The following IGF1R variants were observed in gnomAD, a reference collection of about 807,000 sequenced individuals.
IGF1R encodes the protein insulin-like growth factor 1 receptor.
In IGF1R, 44 loss-of-function variants were observed where a neutral mutation model predicts 144.6. The observed-to-expected ratio is 0.30, with a 90% CI of 0.24 to 0.39. The LOEUF (loss-of-function observed/expected upper bound fraction) is 0.39. Ranked by LOEUF, IGF1R falls within the 10% of genes least tolerant of loss-of-function variation. The probability of loss-of-function intolerance (pLI) is 1.00; values close to 1 mark genes in which losing one functional copy is unlikely to be tolerated. For synonymous variants in IGF1R, 795 were observed against 722.8 expected (o/e 1.10, Z -1.60); for missense variants, 1,355 against 1,833.7 (o/e 0.74, Z 4.77).
chr15:98,686,820 G>A (rs567647531), intron 1 of IGF1R, among the ~76,000 whole-genome samples: 3 of 152,114 alleles, frequency 2.0e-5, no homozygotes, highest in South Asian at 2.1e-4. Flanking sequence ...ATGTTCCTGC[G>A]CCATCACTCC....
intron 5 of IGF1R, chr15:98,900,824 T>C (rs74509919): frequency 6.6e-6 from 1 of 152,180 alleles, no homozygotes; most frequent in Non-Finnish European, 1.5e-5. Flanking sequence ...TTTTTTTTTT[T>C]CTAAGTAGGT....
At chr15:98,742,919 C>T (rs1439889341) in intron 2 of IGF1R, among the ~76,000 whole-genome samples, 2 of 152,048 alleles carry the variant, frequency 1.3e-5, no homozygotes, top group Admixed American at 6.6e-5. Context: ...TGCCTGTAAT[C>T]CCAGCTTCTC....
intron 1 of IGF1R, among the ~76,000 whole-genome samples, chr15:98,678,952 C>A (rs2053119341): frequency 7.1e-6 from 1 of 140,370 alleles, no homozygotes; most frequent in Non-Finnish European, 1.5e-5. Flanking sequence ...GAAACAGGAT[C>A]TCGCTCTTGT....
At chr15:98,854,948 C>CG (rs987259648) in intron 2 of IGF1R, among the ~76,000 whole-genome samples, 1 of 152,092 alleles carries the variant, frequency 6.6e-6, no homozygotes, top group Non-Finnish European at 1.5e-5. Context: ...CCTGCCCCCC[C>CG]CAACACATGT....
intron 2 of IGF1R, among the ~76,000 whole-genome samples, chr15:98,823,131 T>C (rs552118480): frequency 2.0e-5 from 3 of 152,276 alleles, no homozygotes; most frequent in African/African-American, 7.2e-5. Context: ...TTTCTCCAGG[T>C]CTCCTCTCAT....
At chr15:98,843,008 A>G (rs930738185) in intron 2 of IGF1R, among the ~76,000 whole-genome samples, 2 of 152,346 alleles carry the variant, frequency 1.3e-5, no homozygotes, top group Non-Finnish European at 1.5e-5. Flanking sequence ...AGCTGTCTTT[A>G]TATTACCACG....
At chr15:98,861,037 CTCCCTCCA>C (rs1189112945) in intron 2 of IGF1R, among the ~76,000 whole-genome samples, 1 of 151,858 alleles carries the variant, frequency 6.6e-6, no homozygotes, top group African/African-American at 2.4e-5. Context: ...CCCTCCCTCC[CTCCCTCCA>C]TCTATGTCTC....
intron 3 of IGF1R, among the ~76,000 whole-genome samples, chr15:98,895,022 A>C (rs2014112298): frequency 6.8e-6 from 1 of 147,564 alleles, no homozygotes; most frequent in Admixed American, 6.7e-5. Flanking sequence ...CCCTGTCTCA[A>C]AAAAAAAAAA....
chr15:98,797,357 T>C (rs1204344004), intron 2 of IGF1R, among the ~76,000 whole-genome samples: 1 of 152,236 alleles, frequency 6.6e-6, no homozygotes, highest in Non-Finnish European at 1.5e-5. Context: ...AAGGTAAACC[T>C]GATGCCCGGG....
At position 98,651,108 on chromosome 15, in the gene IGF1R, A is replaced by G. The variant is rs186028489; in HGVS notation, c.94+1433A>G. The G allele has an allele frequency of 3.1e-6, 3 of 972,904 alleles. No individual in the cohort carries two copies. In the Admixed American group the frequency reaches 1.8e-4, roughly 60 times the overall value. 60.3% of individuals were successfully genotyped at this position (972,904 alleles called of 1,614,324 possible). On this transcript the variant is annotated intron_variant, in intron 1 of 20. Transcript: ENST00000650285. ...TGAGTAATGGTTGCCGAGGGTATGCAGGTGGTGCCGATTAACTTTGAAAAA... is the reference window on the plus strand; with the variant it reads ...TGAGTAATGGTTGCCGAGGGTATGCGGGTGGTGCCGATTAACTTTGAAAAA...
At chr15:98,892,030 A>G (rs1401790019) in intron 3 of IGF1R, among the ~76,000 whole-genome samples, 2 of 152,080 alleles carry the variant, frequency 1.3e-5, no homozygotes, top group Non-Finnish European at 2.9e-5. Context: ...GGAAGTGCAA[A>G]AGAAAAGACA....
chr15:98,901,320 C>G (rs1596415481), intron 5 of IGF1R, among the ~76,000 whole-genome samples: 5 of 152,184 alleles, frequency 3.3e-5, no homozygotes, highest in South Asian at 2.1e-4. Flanking sequence ...TGGCTCCAGC[C>G]TTTCATTCCT....
chr15:98,783,357 C>G (rs993341072), intron 2 of IGF1R, among the ~76,000 whole-genome samples: 1 of 152,176 alleles, frequency 6.6e-6, no homozygotes, highest in Non-Finnish European at 1.5e-5. Context: ...CCTGTTCTCT[C>G]TATATAAAAT....
intron 20 of IGF1R, among the ~76,000 whole-genome samples, chr15:98,952,369 C>T (rs1392908865): frequency 6.6e-6 from 1 of 151,674 alleles, no homozygotes; most frequent in African/African-American, 2.4e-5. Context: ...ACACTTTGAG[C>T]AGCGCAGCCA....
intron 13 of IGF1R, among the ~76,000 whole-genome samples, 164 bp from the exon 14 acceptor site, chr15:98,929,394 G>A (rs143015300): frequency 1.0e-3 from 158 of 152,180 alleles, no homozygotes; most frequent in South Asian, 4.6e-3. Flanking sequence ...TTTGTTTGCC[G>A]TGTTCTATTT....
At chr15:98,883,640 T>C (rs182880927) in intron 2 of IGF1R, among the ~76,000 whole-genome samples, 1 of 152,284 alleles carries the variant, frequency 6.6e-6, no homozygotes. Context: ...GGCGAGAGCA[T>C]GGTGGCACAC....
Position 98,679,949 on chromosome 15 carries a change from T to TA in IGF1R, c.95-27603dup, listed in dbSNP as rs200754035. The stretch of plus-strand genomic sequence containing the variant: ...CTTTTAACAAAAAAGTTTAAAAAGT[T>TA]AAAAAAAAAAGTTAAAAATAGAAAA... On this transcript the variant is annotated intron_variant, in intron 1 of 20. Transcript: ENST00000650285. Among the ~76,000 whole-genome samples, 158 of 143,828 alleles carry TA rather than the reference T, an allele frequency of 1.1e-3. No homozygotes were observed. The Middle Eastern group carries it at 0.017, about 16-fold the overall frequency. 94.4% of individuals were successfully genotyped at this position (143,828 alleles called of 152,430 possible). A position where few individuals can be genotyped will look rare whatever the true frequency, so the allele number is the denominator to read the frequency against.
chr15:98,784,989 A>G (rs995875898), intron 2 of IGF1R, among the ~76,000 whole-genome samples: 2 of 152,328 alleles, frequency 1.3e-5, no homozygotes, highest in Admixed American at 1.3e-4. Flanking sequence ...CTTGAATTAA[A>G]CCAGAAAGAA....
intron 2 of IGF1R, among the ~76,000 whole-genome samples, chr15:98,854,597 C>T (rs1001429147): frequency 6.6e-6 from 1 of 152,122 alleles, no homozygotes; most frequent in Non-Finnish European, 1.5e-5. Context: ...GCCAGGTCAG[C>T]CTGTTCATTT....
Sources: gnomAD v4.1 joint callset for allele counts (sites outside exome capture counted in the v4.1 genomes callset) on GRCh38, gnomAD v4.1.1 for gene constraint, MANE v1.5 for transcripts, NCBI Gene and HGNC (gene_info 2026-07-23, HGNC 2026-07-21) for gene names.